The following KCNN1 variants were observed in gnomAD, a reference collection of about 807,000 sequenced individuals.
KCNN1 encodes the protein potassium calcium-activated channel subfamily N member 1.
KCNN1 carries 20 observed loss-of-function variants against 44.7 expected under a neutral mutation model. That is an observed-to-expected ratio of 0.45 (90% CI 0.32 to 0.65). The LOEUF (loss-of-function observed/expected upper bound fraction) is 0.65, where lower values mean the gene tolerates loss of function less well. Ranked by LOEUF, KCNN1 falls within the 30% of genes least tolerant of loss-of-function variation. KCNN1 has a pLI of 0.05. For synonymous variants in KCNN1, 324 were observed against 341.7 expected (o/e 0.95, Z 0.57); for missense variants, 632 against 785.3 (o/e 0.80, Z 2.33).
Position 17,993,639 on chromosome 19 carries a change from G to A in KCNN1, c.1377+80G>A. ...ATGGGATGGGGCTCAGCTCCTGCCG[G>A]AGGAGGGCACAAGGACCCGCTGTGG... On this transcript the variant is annotated intron_variant, in intron 9 of 9. Transcript: ENST00000684775. This position sits in a 1 kb window ranked among gnomAD's most constrained non-coding sequence, Gnocchi z 4.5. 8.4e-7 allele frequency: 1 copy of A among 1,197,082 alleles called. No individual in the cohort carries two copies. The highest frequency in any genetic ancestry group is 1.2e-5 in the South Asian group (1 of 80,676). The allele number at this position is 1,197,082 out of a possible 1,614,324, so 74.2% of individuals were successfully genotyped here. A position where few individuals can be genotyped will look rare whatever the true frequency, so the allele number is the denominator to read the frequency against.
intron 3 of KCNN1, among the ~76,000 whole-genome samples, chr19:17,976,859 G>T (rs2032225509): frequency 6.6e-6 from 1 of 151,780 alleles, no homozygotes; most frequent in East Asian, 1.9e-4. Context: ...GGGATTACAG[G>T]TGCCCGCCAC....
chr19:17,989,584 C>T, intron 6 of KCNN1, 132 bp from the exon 7 acceptor site: 1 of 1,301,284 alleles, frequency 7.7e-7, no homozygotes, highest in South Asian at 1.2e-5. Flanking sequence ...AAGCATGGCC[C>T]TGCCTTATAG....
At chr19:17,961,588 T>TTC (rs2031681597) in intron 2 of KCNN1, among the ~76,000 whole-genome samples, 4 of 130,732 alleles carry the variant, frequency 3.1e-5, no homozygotes, top group Admixed American at 2.3e-4. Context: ...CTTTCTTTCT[T>TTC]TTTTTTTTTT....
At chr19:17,966,080 C>A (rs2031803284), upstream of KCNN1, among the ~76,000 whole-genome samples, 1 of 140,470 alleles carries the variant, frequency 7.1e-6, no homozygotes, top group Non-Finnish European at 1.6e-5. Context: ...TTCCTTCCTT[C>A]CTTCAGTCCA....
chr19:17,956,466 G>A (rs2145898691), intron 2 of KCNN1, among the ~76,000 whole-genome samples: 1 of 152,206 alleles, frequency 6.6e-6, no homozygotes, highest in South Asian at 2.1e-4. Context: ...TTTTGTGCTG[G>A]ATACAGTGGC....
intron 4 of KCNN1, 53 bp downstream of exon 4, chr19:17,982,180 AC>A: frequency 7.7e-7 from 1 of 1,302,804 alleles, no homozygotes. Flanking sequence ...GTCTCCCTGG[AC>A]CTCCATGCCC....
At chr19:17,969,535 C>T (rs1231798404) in intron 1 of KCNN1, among the ~76,000 whole-genome samples, 8 of 152,172 alleles carry the variant, frequency 5.3e-5, no homozygotes, top group Admixed American at 4.6e-4. Flanking sequence ...AGCCACCTGC[C>T]ATTTCTCTCC....
intron 6 of KCNN1, 94 bp from the exon 7 acceptor site, chr19:17,989,621 GA>G: frequency 6.3e-7 from 1 of 1,578,832 alleles, no homozygotes; most frequent in Non-Finnish European, 8.6e-7. Flanking sequence ...GGCATTTCCA[GA>G]AGTTTCTAGA....
rs778879270 is a variant in KCNN1 at position 17,985,294 on chromosome 19, C to T, written c.918-18C>T. On this transcript the variant is annotated intron_variant, in intron 4 of 9. Transcript: ENST00000684775. ...GGTATAGACTGAGCCCTCCCTCTTC[C>T]CACTCTGGCTCCCCCAGGTACCACG... 1 of 1,576,332 alleles carries T rather than the reference C, an allele frequency of 6.3e-7. No homozygotes were observed. Among genetic ancestry groups the T allele is most frequent in the Non-Finnish European group, 8.6e-7 (1 of 1,158,792 alleles).
chr19:17,955,228 C>A (rs1479637684), intron 2 of KCNN1, among the ~76,000 whole-genome samples: 2 of 148,640 alleles, frequency 1.3e-5, no homozygotes, highest in African/African-American at 2.5e-5. Flanking sequence ...CCAGCCTAGG[C>A]GACAGAGCGA....
chr19:17,995,201 C>G (rs1440874574), intron 9 of KCNN1, among the ~76,000 whole-genome samples: 1 of 149,166 alleles, frequency 6.7e-6, no homozygotes, highest in East Asian at 2.0e-4. Flanking sequence ...GAGACAGGGT[C>G]TTGCTCTGTG....
At chr19:17,985,954 G>A (rs2032580608) in intron 5 of KCNN1, among the ~76,000 whole-genome samples, 1 of 152,196 alleles carries the variant, frequency 6.6e-6, no homozygotes, top group Admixed American at 6.5e-5. Flanking sequence ...TGGGGGCCGG[G>A]CGTGGTGGCT....
chr19:17,985,522 A>G (rs1367154480), intron 5 of KCNN1, 69 bp downstream of exon 5: 7 of 1,426,390 alleles, frequency 4.9e-6, no homozygotes, highest in Non-Finnish European at 6.6e-6. Flanking sequence ...CAGCCCTTGC[A>G]TACCCCTTGC....
At chr19:17,994,281 C>A (rs2032905768) in intron 9 of KCNN1, among the ~76,000 whole-genome samples, 1 of 151,488 alleles carries the variant, frequency 6.6e-6, no homozygotes, top group African/African-American at 2.4e-5. Flanking sequence ...CCCATCTGTA[C>A]AAAAAGAATA....
At position 17,974,771 on chromosome 19, in the gene KCNN1, C is replaced by T. The variant is rs1453430879; in HGVS notation, c.403-321C>T. ...GTCCGGCCTTGTGAACTGTGAAGTGCTGTGCCCAAGTGAGGCCAGGCCTCA... is the reference window on the plus strand; with the variant it reads ...GTCCGGCCTTGTGAACTGTGAAGTGTTGTGCCCAAGTGAGGCCAGGCCTCA... On this transcript the variant is annotated intron_variant, in intron 2 of 9. Transcript: ENST00000684775. This position sits in a 1 kb window ranked among gnomAD's most constrained non-coding sequence, Gnocchi z 7.3. 6.6e-6 allele frequency among the ~76,000 whole-genome samples: 1 copy of T among 152,224 alleles called. No homozygotes were observed. Among genetic ancestry groups the T allele is most frequent in the Admixed American group, 6.5e-5 (1 of 15,288 alleles).
chr19:17,973,254 C>T (rs968827340), intron 1 of KCNN1, among the ~76,000 whole-genome samples: 7 of 152,068 alleles, frequency 4.6e-5, no homozygotes, highest in African/African-American at 1.7e-4. Context: ...AAGTGTGCAC[C>T]ACTGGGCCCA....
intron 7 of KCNN1, among the ~76,000 whole-genome samples, chr19:17,992,397 C>T (rs980253037): frequency 5.9e-5 from 9 of 152,002 alleles, no homozygotes; most frequent in African/African-American, 1.9e-4. Context: ...GTCAGGAGTT[C>T]GAGACCAGCC....
At chr19:17,978,127 T>G (rs1465634991) in intron 3 of KCNN1, among the ~76,000 whole-genome samples, 1 of 132,522 alleles carries the variant, frequency 7.5e-6, no homozygotes, top group Non-Finnish European at 1.6e-5. Context: ...TGTATACTTG[T>G]TTTTTTTTTT....
chr19:17,958,480 CTTTTTTT>C lies in KCNN1; in HGVS notation c.-82+3816_-82+3822del, dbSNP rs71164331. Among the ~76,000 whole-genome samples the C allele has an allele frequency of 1.8e-4, 18 of 99,564 alleles. No individual in the cohort carries two copies. The South Asian group carries it at 3.9e-3, about 22-fold the overall frequency. The allele number at this position is 99,564 out of a possible 152,430, so 65.3% of individuals were successfully genotyped here. ...TGCGAGACAACAGGAGACCCTGTCT[CTTTTTTT>C]TTTTTTTTTTTTTTTTGATACAGGG... is the stretch of plus-strand genomic sequence containing the variant. On this transcript the variant is annotated intron_variant, in intron 2 of 10. Transcript: ENST00000222249.
Sources: gnomAD v4.1 joint callset for allele counts (sites outside exome capture counted in the v4.1 genomes callset) on GRCh38, gnomAD v4.1.1 for gene constraint, Gnocchi (gnomAD v3.1) non-coding constraint, MANE v1.5 for transcripts, NCBI Gene and HGNC (gene_info 2026-07-23, HGNC 2026-07-21) for gene names.